MRPL45: variants seen among roughly 807,000 people sequenced by gnomAD.
The protein encoded by MRPL45 is mitochondrial ribosomal protein L45.
Under a neutral mutation model 38.1 loss-of-function variants are expected in MRPL45, and 20 were observed. That is an observed-to-expected ratio of 0.53 (90% CI 0.37 to 0.76). The LOEUF is 0.76. MRPL45 is among the 30% of genes least tolerant of loss of function. The pLI is 0.00. For synonymous variants in MRPL45, 105 were observed against 128.8 expected (o/e 0.82, Z 1.25); for missense variants, 337 against 395.6 (o/e 0.85, Z 1.26).
chr17:38,305,294 C>T (rs2037040675), intron 3 of MRPL45, among the ~76,000 whole-genome samples: 1 of 136,926 alleles, frequency 7.3e-6, no homozygotes, highest in Non-Finnish European at 1.6e-5. Flanking sequence ...TGGTGAAACC[C>T]CATCTCTACT....
chr17:38,311,776 C>T (rs1031852715), intron 4 of MRPL45, among the ~76,000 whole-genome samples: 1 of 151,612 alleles, frequency 6.6e-6, no homozygotes, highest in African/African-American at 2.4e-5. Context: ...CTATGAGGAA[C>T]GGGCTCTCAC....
chr17:38,320,857 CTG>C, intron 6 of MRPL45, 90 bp downstream of exon 6: 1 of 1,257,082 alleles, frequency 8.0e-7, no homozygotes, highest in East Asian at 2.3e-5. Context: ...TTGCCCAGGA[CTG>C]TAGACAGTAA....
intron 4 of MRPL45, among the ~76,000 whole-genome samples, chr17:38,313,643 G>T (rs569923030): frequency 3.3e-5 from 5 of 149,734 alleles, no homozygotes; most frequent in South Asian, 4.2e-4. Context: ...TTGGCCTTTT[G>T]TACGTCTTCT....
In MRPL45 at chr17:38,319,005, A is replaced by T. The variant is rs531808764; in HGVS notation, c.510+270A>T. Among the ~76,000 whole-genome samples the T allele has an allele frequency of 4.3e-5, 5 of 115,152 alleles. No individual in the cohort carries two copies. In the East Asian group the frequency reaches 1.1e-3, roughly 24 times the overall value. 75.5% of individuals were successfully genotyped at this position (115,152 alleles called of 152,430 possible). A position where few individuals can be genotyped will look rare whatever the true frequency, so the allele number is the denominator to read the frequency against. Reference sequence around the variant, plus strand: ...ACCATGCCCAGCTAATTTTTTATTTATTTATTTATTTATTTATTTATTTAT... The same window carrying T: ...ACCATGCCCAGCTAATTTTTTATTTTTTTATTTATTTATTTATTTATTTAT... On this transcript the variant is annotated intron_variant, in intron 5 of 7. Coordinates refer to ENST00000613675, the MANE Select transcript of MRPL45 (RefSeq NM_032351.6).
At chr17:38,318,001 G>A (rs1230506612) in intron 4 of MRPL45, among the ~76,000 whole-genome samples, 8 of 151,662 alleles carry the variant, frequency 5.3e-5, no homozygotes, top group Non-Finnish European at 1.2e-4. Context: ...AAAGATGAGC[G>A]TGTAAGATAT....
chr17:38,311,684 C>CAA lies in MRPL45; in HGVS notation c.461+5072_461+5073dup, dbSNP rs756151374. Among the ~76,000 whole-genome samples the CAA allele has an allele frequency of 3.7e-3, 345 of 92,282 alleles. 3 individuals carry two copies. Among genetic ancestry groups the CAA allele is most frequent in the African/African-American group, 0.012 (327 of 26,418 alleles). 60.5% of individuals were successfully genotyped at this position (92,282 alleles called of 152,430 possible). ...CTGGCGACAGAGCGAGACTCCGTCT[C>CAA]AAAAAAAAAAAAAAAAAAAAGAGAC... On this transcript the variant is annotated intron_variant, in intron 4 of 7. Coordinates refer to ENST00000613675, the MANE Select transcript of MRPL45 (RefSeq NM_032351.6).
chr17:38,300,051 T>G (rs1380709861), intron 3 of MRPL45, among the ~76,000 whole-genome samples: 3 of 151,598 alleles, frequency 2.0e-5, no homozygotes, highest in Non-Finnish European at 4.4e-5. Context: ...TTTATTTATT[T>G]ATTTATTTAT....
At chr17:38,309,914 A>G (rs1236226699) in intron 4 of MRPL45, among the ~76,000 whole-genome samples, 2 of 152,050 alleles carry the variant, frequency 1.3e-5, no homozygotes, top group Non-Finnish European at 2.9e-5. Context: ...CTGAATACAC[A>G]TATGTTAGAT....
At chr17:38,314,501 T>C (rs994993117) in intron 4 of MRPL45, among the ~76,000 whole-genome samples, 1 of 152,190 alleles carries the variant, frequency 6.6e-6, no homozygotes, top group African/African-American at 2.4e-5. Context: ...CATATCGAGT[T>C]TTTTCTTTTG....
chr17:38,311,961 T>A (rs1455440421), intron 4 of MRPL45, among the ~76,000 whole-genome samples: 1 of 152,094 alleles, frequency 6.6e-6, no homozygotes, highest in Non-Finnish European at 1.5e-5. Flanking sequence ...TGACCTTTTG[T>A]GATTGGCTTA....
intron 4 of MRPL45, among the ~76,000 whole-genome samples, chr17:38,314,097 C>T (rs1450325812): frequency 1.3e-5 from 2 of 152,118 alleles, no homozygotes; most frequent in Non-Finnish European, 2.9e-5. Context: ...TTTGTCTTTT[C>T]ACTCTTTTAT....
intron 4 of MRPL45, 129 bp downstream of exon 4, chr17:38,306,760 G>A: frequency 1.1e-6 from 1 of 876,358 alleles, no homozygotes; most frequent in Non-Finnish European, 1.7e-6. Flanking sequence ...GAGATCTAGA[G>A]TGAGAGAACT....
chr17:38,308,595 C>T (rs957592184), intron 4 of MRPL45, among the ~76,000 whole-genome samples: 12 of 151,966 alleles, frequency 7.9e-5, no homozygotes, highest in Non-Finnish European at 1.5e-4. Flanking sequence ...CACGCACCAC[C>T]ACACCTGACT....
chr17:38,305,507 T>C (rs1407880547), intron 3 of MRPL45, among the ~76,000 whole-genome samples: 1 of 150,296 alleles, frequency 6.7e-6, no homozygotes, highest in Non-Finnish European at 1.5e-5. Context: ...ATTCTGACTC[T>C]TTTTTTTGAG....
Position 38,320,784 on chromosome 17 carries a change from G to GC in MRPL45, c.660+19dup, listed in dbSNP as rs1206786955. Reference sequence around the variant, plus strand: ...ACCCGGCAGGTAGAGGCACTCGTCTGCCTTCCTCCCAGCTTTTTTTCACTC... The same window carrying GC: ...ACCCGGCAGGTAGAGGCACTCGTCTGCCCTTCCTCCCAGCTTTTTTTCACTC... On this transcript the variant is annotated intron_variant, in intron 6 of 7. Coordinates refer to ENST00000613675, the MANE Select transcript of MRPL45 (RefSeq NM_032351.6). 6.2e-7 allele frequency: 1 copy of GC among 1,612,718 alleles called. No homozygotes were observed. Among genetic ancestry groups the GC allele is most frequent in the Non-Finnish European group, 8.5e-7 (1 of 1,179,634 alleles).
At chr17:38,317,522 C>A (rs749261234) in intron 4 of MRPL45, among the ~76,000 whole-genome samples, 4 of 151,990 alleles carry the variant, frequency 2.6e-5, no homozygotes, top group Non-Finnish European at 4.4e-5. Context: ...CTCCTAAAAT[C>A]TTGTATCTAT....
At chr17:38,303,543 C>T (rs1256741043) in intron 3 of MRPL45, among the ~76,000 whole-genome samples, 1 of 152,010 alleles carries the variant, frequency 6.6e-6, no homozygotes, top group Non-Finnish European at 1.5e-5. Context: ...ATCTACCTGC[C>T]TCAGCCTCCC....
intron 4 of MRPL45, among the ~76,000 whole-genome samples, chr17:38,312,843 C>CAA (rs575003890): frequency 0.038 from 5,578 of 147,880 alleles, 323 homozygotes; most frequent in African/African-American, 0.13. Context: ...GAGACTGTCT[C>CAA]AAAAAAAAAA....
intron 4 of MRPL45, among the ~76,000 whole-genome samples, chr17:38,307,847 A>T (rs1408653664): frequency 4.6e-4 from 2 of 4,368 alleles, no homozygotes; most frequent in African/African-American, 5.7e-4. Context: ...TTATTTCTTT[A>T]AAAAAAATTT....
Sources: gnomAD v4.1 joint callset for allele counts (sites outside exome capture counted in the v4.1 genomes callset) on GRCh38, gnomAD v4.1.1 for gene constraint, MANE v1.5 for transcripts, NCBI Gene and HGNC (gene_info 2026-07-23, HGNC 2026-07-21) for gene names.